The following KIF26B variants were observed in gnomAD, a reference collection of about 807,000 sequenced individuals.
KIF26B encodes the protein kinesin-like protein KIF26B.
A neutral mutation model predicts 151.2 loss-of-function variants in KIF26B; 63 were observed. The ratio of observed to expected loss-of-function variants is 0.42; its 90% CI spans 0.34 to 0.51. The LOEUF (loss-of-function observed/expected upper bound fraction) is 0.51, where lower values mean the gene tolerates loss of function less well. Among genes scored for constraint, KIF26B ranks in the 20% least tolerant of loss-of-function variants. The pLI, the probability that KIF26B is intolerant of heterozygous loss-of-function variation, is 0.07. For synonymous variants in KIF26B, 1,357 were observed against 1,262.1 expected (o/e 1.08, Z -1.59); for missense variants, 2,813 against 2,913.6 (o/e 0.97, Z 0.79).
intron 2 of KIF26B, among the ~76,000 whole-genome samples, chr1:245,180,357 C>T (rs765172586): frequency 2.0e-5 from 3 of 151,734 alleles, no homozygotes; most frequent in South Asian, 4.2e-4. Flanking sequence ...AGGGAGTCTG[C>T]GTTCTAATTC....
intron 9 of KIF26B, among the ~76,000 whole-genome samples, chr1:245,613,207 A>G (rs1348186598): frequency 6.6e-6 from 1 of 152,192 alleles, no homozygotes; most frequent in African/African-American, 2.4e-5. Context: ...AAACAATCAG[A>G]AAACTGAGTT....
At chr1:245,648,420 G>A (rs997498340) in intron 10 of KIF26B, among the ~76,000 whole-genome samples, 3 of 152,004 alleles carry the variant, frequency 2.0e-5, no homozygotes, top group Admixed American at 6.6e-5. Flanking sequence ...AGGCTGAGGC[G>A]GGAGGATTGC....
intron 3 of KIF26B, among the ~76,000 whole-genome samples, chr1:245,396,232 C>T (rs1378640293): frequency 2.6e-5 from 4 of 152,166 alleles, no homozygotes; most frequent in African/African-American, 4.8e-5. Flanking sequence ...ACAGACTTCT[C>T]TCCGGTGCTC....
At chr1:245,633,070 T>C (rs1446754875) in intron 9 of KIF26B, among the ~76,000 whole-genome samples, 1 of 152,174 alleles carries the variant, frequency 6.6e-6, no homozygotes, top group Non-Finnish European at 1.5e-5. Context: ...TGCTGAATTG[T>C]TCCCTTTATC....
intron 9 of KIF26B, among the ~76,000 whole-genome samples, chr1:245,614,440 T>C (rs1277150347): frequency 2.6e-5 from 4 of 152,212 alleles, no homozygotes; most frequent in Non-Finnish European, 5.9e-5. Context: ...CCCAAAGTGT[T>C]GGGATTACAG....
chr1:245,662,750 GAT>G (rs375336685), intron 10 of KIF26B, among the ~76,000 whole-genome samples: 27 of 58,852 alleles, frequency 4.6e-4, no homozygotes, highest in African/African-American at 1.7e-3. Context: ...TATACCCAAT[GAT>G]ATATATACAC....
chr1:245,232,716 A>T (rs1670023743), intron 2 of KIF26B, among the ~76,000 whole-genome samples: 1 of 151,962 alleles, frequency 6.6e-6, no homozygotes, highest in Non-Finnish European at 1.5e-5. Flanking sequence ...ACTCCCGGCT[A>T]ATTTTGTATT....
rs1035000721 is a variant in KIF26B, at chr1:245,358,030, C to T, written c.466-8804C>T. ...CTCCTGGGCTCAAGGGATCCTCCCA[C>T]CTCAGCCTCCTGAGTAGCTGGGACT... On this transcript the variant is annotated intron_variant, in intron 2 of 14. Coordinates refer to ENST00000407071, the MANE Select transcript of KIF26B (RefSeq NM_018012.4). The surrounding 1 kb of genome is among the most constrained non-coding windows in gnomAD (Gnocchi z 4.1). 6.6e-6 allele frequency among the ~76,000 whole-genome samples: 1 copy of T among 152,140 alleles called. No homozygotes were observed. The highest frequency in any genetic ancestry group is 1.5e-5 in the Non-Finnish European group (1 of 68,042).
intron 2 of KIF26B, among the ~76,000 whole-genome samples, chr1:245,363,741 A>G (rs1349697738): frequency 6.6e-6 from 1 of 152,248 alleles, no homozygotes; most frequent in Non-Finnish European, 1.5e-5. Flanking sequence ...ATCAGCCAGC[A>G]ACCGCATTTT....
In KIF26B at chr1:245,584,674, T is replaced by G. The variant is rs1034350874; in HGVS notation, c.1351-17903T>G. On this transcript the variant is annotated intron_variant, in intron 5 of 14. Transcript: ENST00000407071. ...AAAGAAAAGAACCTATAGGAAGAGT[T>G]GGTTTGGATTCTATCGCGGGCAGTT... Among the ~76,000 whole-genome samples, 3 of 152,210 alleles carry G rather than the reference T, an allele frequency of 2.0e-5. 1 individual carries two copies. Among genetic ancestry groups the G allele is most frequent in the Non-Finnish European group, 4.4e-5 (3 of 68,040 alleles).
intron 5 of KIF26B, among the ~76,000 whole-genome samples, chr1:245,593,506 C>T (rs567926967): frequency 0.012 from 1,762 of 152,208 alleles, 36 homozygotes; most frequent in African/African-American, 0.041. Context: ...TGAACTCATC[C>T]TTTTTTATGG....
At chr1:245,578,061 G>T (rs191900370) in intron 5 of KIF26B, among the ~76,000 whole-genome samples, 138 of 152,350 alleles carry the variant, frequency 9.1e-4, no homozygotes, top group African/African-American at 3.1e-3. Flanking sequence ...TGGAACTGCG[G>T]CAATGAGTCC....
At chr1:245,600,438 C>CTA (rs2043384446) in intron 5 of KIF26B, among the ~76,000 whole-genome samples, 5 of 151,436 alleles carry the variant, frequency 3.3e-5, no homozygotes, top group Admixed American at 2.0e-4. Flanking sequence ...GCTCAAGTGA[C>CTA]CCTGCTACCT....
chr1:245,279,877 T>C (rs1308698281), intron 2 of KIF26B, among the ~76,000 whole-genome samples: 1 of 152,162 alleles, frequency 6.6e-6, no homozygotes, highest in East Asian at 1.9e-4. Context: ...TCATTTTTTT[T>C]AGCTTGACTC....
chr1:245,629,882 C>A (rs1002921827), intron 9 of KIF26B, among the ~76,000 whole-genome samples: 4 of 126,916 alleles, frequency 3.2e-5, no homozygotes, highest in African/African-American at 1.2e-4. Flanking sequence ...CTACAAGGAA[C>A]CTAAATTTAC....
intron 2 of KIF26B, among the ~76,000 whole-genome samples, chr1:245,322,283 A>C (rs1671902418): frequency 6.6e-6 from 1 of 152,158 alleles, no homozygotes; most frequent in African/African-American, 2.4e-5. Context: ...CGGGGCTTAA[A>C]ACCTAGATGA....
At chr1:245,465,036 G>T (rs12353959) in intron 4 of KIF26B, among the ~76,000 whole-genome samples, 110,719 of 136,124 alleles carry the variant, frequency 0.81, 45,482 homozygotes, top group African/African-American at 0.9. Context: ...TGGAGTGCAG[G>T]GGCGCGATCT....
intron 2 of KIF26B, among the ~76,000 whole-genome samples, chr1:245,303,365 A>C (rs1049459843): frequency 6.7e-6 from 1 of 150,102 alleles, no homozygotes; most frequent in Admixed American, 6.6e-5. Context: ...CGCCCGGCTA[A>C]TTTTTTGTAT....
chr1:245,393,217 C>T (rs565627473), intron 3 of KIF26B, among the ~76,000 whole-genome samples: 61 of 152,092 alleles, frequency 4.0e-4, no homozygotes, highest in Non-Finnish European at 7.9e-4. Context: ...ATTTGTCAAA[C>T]TTTGTAAAAA....
Sources: gnomAD v4.1 joint callset for allele counts (sites outside exome capture counted in the v4.1 genomes callset) on GRCh38, gnomAD v4.1.1 for gene constraint, Gnocchi (gnomAD v3.1) non-coding constraint, MANE v1.5 for transcripts, NCBI Gene and HGNC (gene_info 2026-07-23, HGNC 2026-07-21) for gene names.